Variants in MGAM observed in about 807,000 individuals in gnomAD.
MGAM encodes the protein maltase-glucoamylase.
A neutral mutation model predicts 358.8 loss-of-function variants in MGAM; 253 were observed. The observed-to-expected ratio is 0.71, with a 90% CI of 0.64 to 0.78. The LOEUF is 0.78. Among genes scored for constraint, MGAM ranks in the 30% least tolerant of loss-of-function variants. The pLI is 0.00. For synonymous variants in MGAM, 1,105 were observed against 1,227.1 expected (o/e 0.90, Z 2.08); for missense variants, 3,080 against 3,432.6 (o/e 0.90, Z 2.57).
chr7:141,994,705 C>T (rs781957645), upstream of MGAM, among the ~76,000 whole-genome samples: 3 of 152,122 alleles, frequency 2.0e-5, no homozygotes, highest in Non-Finnish European at 4.4e-5. Flanking sequence ...GGGCGGATCC[C>T]CCTATGCTGT....
intron 45 of MGAM, among the ~76,000 whole-genome samples, chr7:142,075,400 C>A (rs1207307864): frequency 6.8e-6 from 1 of 146,206 alleles, no homozygotes; most frequent in African/African-American, 2.4e-5. Context: ...GGATATGATA[C>A]CAAAAGCAAA....
chr7:142,064,569 G>T, intron 37 of MGAM, 47 bp downstream of exon 37: 1 of 1,549,704 alleles, frequency 6.5e-7, no homozygotes, highest in Non-Finnish European at 8.7e-7. Flanking sequence ...TATAGCGATT[G>T]CCAGTGACTG....
intron 27 of MGAM, among the ~76,000 whole-genome samples, chr7:142,055,140 C>A (rs1301257954): frequency 6.6e-6 from 1 of 152,170 alleles, no homozygotes. Context: ...TATGGGGTGC[C>A]TTCTCTAGAT....
intron 47 of MGAM, among the ~76,000 whole-genome samples, chr7:142,077,357 G>A (rs901429041): frequency 6.9e-6 from 1 of 145,168 alleles, no homozygotes; most frequent in African/African-American, 2.4e-5. Flanking sequence ...TGGGGGCTGG[G>A]GACTAGTAGA....
chr7:142,003,733 TA>T (rs1427796411), intron 1 of MGAM, among the ~76,000 whole-genome samples: 6 of 151,268 alleles, frequency 4.0e-5, no homozygotes, highest in African/African-American at 1.5e-4. Context: ...TTCTGCACAG[TA>T]AAAAAATAAA....
rs576497256 is a variant in MGAM, at chr7:142,077,050, A to G, written c.5493+224A>G. On this transcript the variant is annotated intron_variant, in intron 47 of 70. Transcript: ENST00000475668. ...CTTCTTATTCCCTTCTCTGCCTATC[A>G]GTGTTCCCATCTCTCTAGCTGGTTT... Among the ~76,000 whole-genome samples the G allele has an allele frequency of 8.5e-4, 123 of 145,482 alleles. 3 individuals carry two copies. The highest frequency in any genetic ancestry group is 2.8e-3 in the African/African-American group (117 of 41,134).
intron 2 of MGAM, among the ~76,000 whole-genome samples, chr7:141,988,508 G>A (rs1302105896): frequency 6.6e-6 from 1 of 151,998 alleles, no homozygotes; most frequent in Non-Finnish European, 1.5e-5. Flanking sequence ...GAGATAACAG[G>A]CGCCCGCCAC....
Position 142,056,844 on chromosome 7 carries a change from C to T in MGAM, c.3595C>T (p.Pro1199Ser), listed in dbSNP as rs1811596265. 1.2e-6 allele frequency: 2 copies of T among 1,613,684 alleles called. No homozygotes were observed. The highest frequency in any genetic ancestry group is 1.6e-4 in the Middle Eastern group (1 of 6,078). The part of the protein sequence containing the change: ...NSNAMDVTFQ[P>S]LPALTYRTTG... ...TTTATTTTCAGATGTGACGTTCCAG[C>T]CCCTGCCTGCCTTGACATACCGCAC... The change falls in exon 30 of 71, where the codon CCC becomes TCC. Residue 1199 changes from proline to serine, a missense_variant. Around this residue, in one of 5 missense-constraint regions of MGAM, gnomAD observed 1,816 missense variants for 1,840.5 expected, o/e 0.99. Transcript: ENST00000475668.
chr7:142,005,844 T>G (rs1805114471), intron 2 of MGAM, among the ~76,000 whole-genome samples, 187 bp downstream of exon 2: 1 of 152,036 alleles, frequency 6.6e-6, no homozygotes, highest in Admixed American at 6.6e-5. Flanking sequence ...GTTCTGATAC[T>G]TTGATTTATC....
intron 3 of MGAM, among the ~76,000 whole-genome samples, chr7:142,018,343 T>C (rs782420363): frequency 1.3e-5 from 2 of 152,182 alleles, no homozygotes; most frequent in Non-Finnish European, 2.9e-5. Flanking sequence ...CCCTCCACAG[T>C]GTGACAACTT....
intron 11 of MGAM, 22 bp downstream of exon 11, chr7:142,030,515 C>T (rs1186315281): frequency 2.5e-6 from 4 of 1,613,032 alleles, no homozygotes; most frequent in Non-Finnish European, 2.5e-6. Flanking sequence ...CCTCTTTCCA[C>T]CAAATTAGGT....
chr7:142,058,476 A>G, intron 31 of MGAM, 148 bp downstream of exon 31: 6 of 1,402,506 alleles, frequency 4.3e-6, no homozygotes, highest in Non-Finnish European at 4.8e-6. Context: ...CAGCACAGTA[A>G]TATAGGTAAG....
rs763044307 is a variant in MGAM, at chr7:142,092,582, C to G, written c.7007C>G (p.Ser2336Cys). The G allele has an allele frequency of 3.9e-6, 6 of 1,545,396 alleles. 1 individual carries two copies. In the South Asian group the frequency reaches 5.7e-5, roughly 15 times the overall value. ...GTTTCTCCAGGCTGCAGGGATGCCT[C>G]TCTGAACCACCCTCCCTACATGCCG... Reference protein sequence around the residue: ...GAVSPGCRDASLNHPPYMPYL... With the variant: ...GAVSPGCRDACLNHPPYMPYL... Residue 2336 changes from serine (S) to cysteine (C), a missense_variant, in exon 59 of 71, where the codon TCT (serine) becomes TGT (cysteine). Coordinates refer to ENST00000475668, the MANE Select transcript of MGAM (RefSeq NM_001365693.1).
rs890270521 is a variant in MGAM at position 142,088,557 on chromosome 7, C to A, written c.6810+1840C>A. 1.2e-4 allele frequency among the ~76,000 whole-genome samples: 16 copies of A among 136,776 alleles called. 2 individuals are homozygous for A. Among genetic ancestry groups the A allele is most frequent in the African/African-American group, 3.5e-4 (13 of 37,606 alleles). 89.7% of individuals were successfully genotyped at this position (136,776 alleles called of 152,430 possible). On this transcript the variant is annotated intron_variant, in intron 57 of 70. Coordinates refer to ENST00000475668, the MANE Select transcript of MGAM (RefSeq NM_001365693.1). ...CCACCCACTCTATCTATCCATCCATCCTCTATCTATCTATCTATCATCTAC... is the reference window on the plus strand; with the variant it reads ...CCACCCACTCTATCTATCCATCCATACTCTATCTATCTATCTATCATCTAC...
intron 27 of MGAM, among the ~76,000 whole-genome samples, chr7:142,055,250 G>A (rs181682357): frequency 6.6e-6 from 1 of 152,272 alleles, no homozygotes; most frequent in Middle Eastern, 3.4e-3. Context: ...GGACTGAGGG[G>A]TGCAAGGATG....
intron 54 of MGAM, among the ~76,000 whole-genome samples, 197 bp downstream of exon 54, chr7:142,084,841 C>A (rs569493647): frequency 4.8e-5 from 7 of 146,534 alleles, no homozygotes; most frequent in African/African-American, 1.7e-4. Flanking sequence ...TAGCTCAAGA[C>A]TTACTGTGAT....
rs76991590 is a variant in MGAM, at chr7:142,096,042, T to G, written c.7608-289T>G. ...CAGGAGAAGGATTTCAGGAAGAGAT[T>G]TGAGGGAAAAGGGCCATCCTTGCAT... is the stretch of plus-strand genomic sequence containing the variant. On this transcript the variant is annotated intron_variant, in intron 64 of 70. Coordinates refer to ENST00000475668, the MANE Select transcript of MGAM (RefSeq NM_001365693.1). 3,806 of 593,950 alleles carry G rather than the reference T, an allele frequency of 6.4e-3. 89 individuals are homozygous for G. Among genetic ancestry groups the G allele is most frequent in the African/African-American group, 0.062 (3,336 of 53,912 alleles). The allele number at this position is 593,950 out of a possible 1,614,324, so 36.8% of individuals were successfully genotyped here.
At position 142,009,702 on chromosome 7, in the gene MGAM, G is replaced by A. The variant is rs576165480; in HGVS notation, c.327+997G>A. 4.0e-5 allele frequency among the ~76,000 whole-genome samples: 6 copies of A among 151,186 alleles called. No homozygotes were observed. The East Asian group carries it at 7.7e-4, about 19-fold the overall frequency. ...AACTGAATTACTCCACGGCCTTGGCGTTTATTAATTGGCATTCTCCTTTTT... is the reference window on the plus strand; with the variant it reads ...AACTGAATTACTCCACGGCCTTGGCATTTATTAATTGGCATTCTCCTTTTT... On this transcript the variant is annotated intron_variant, in intron 3 of 70. Transcript: ENST00000475668.
chr7:142,083,571 C>A (rs1814508394), intron 53 of MGAM, among the ~76,000 whole-genome samples, 158 bp downstream of exon 53: 1 of 146,362 alleles, frequency 6.8e-6, no homozygotes, highest in Admixed American at 6.9e-5. Flanking sequence ...TTCTAATCAC[C>A]ATTAAATTTA....
Sources: gnomAD v4.1 joint callset for allele counts (sites outside exome capture counted in the v4.1 genomes callset) on GRCh38, gnomAD v4.1.1 for gene constraint, gnomAD v4.1.1 regional missense constraint, MANE v1.5 for transcripts, NCBI Gene and HGNC (gene_info 2026-07-23, HGNC 2026-07-21) for gene names.